The following GTF2H1 variants were observed in gnomAD, a reference collection of about 807,000 sequenced individuals.
GTF2H1 encodes the protein BTF2 p62.
In GTF2H1, 16 loss-of-function variants were observed where a neutral mutation model predicts 71.2. That is an observed-to-expected ratio of 0.22 (90% CI 0.15 to 0.34). GTF2H1 has a LOEUF of 0.34. Ranked by LOEUF, GTF2H1 falls within the 10% of genes least tolerant of loss-of-function variation. GTF2H1 has a pLI of 1.00. For synonymous variants in GTF2H1, 215 were observed against 219.0 expected (o/e 0.98, Z 0.16); for missense variants, 498 against 648.2 (o/e 0.77, Z 2.52).
At chr11:18,331,972 C>A (rs996586938) in intron 1 of GTF2H1, among the ~76,000 whole-genome samples, 1 of 152,020 alleles carries the variant, frequency 6.6e-6, no homozygotes, top group African/African-American at 2.4e-5. Flanking sequence ...CAATTCTCCC[C>A]CTTTGGCCTC....
At chr11:18,344,356 G>A (rs909719559) in intron 7 of GTF2H1, among the ~76,000 whole-genome samples, 5 of 152,016 alleles carry the variant, frequency 3.3e-5, no homozygotes, top group African/African-American at 4.8e-5. Flanking sequence ...GTGGTGGCTC[G>A]TGCCTGTGAT....
chr11:18,334,144 C>A (rs1169272694), intron 2 of GTF2H1, among the ~76,000 whole-genome samples: 1 of 152,130 alleles, frequency 6.6e-6, no homozygotes, highest in East Asian at 1.9e-4. Context: ...CTTTGGGAGG[C>A]CGAGGTGGGC....
intron 7 of GTF2H1, among the ~76,000 whole-genome samples, chr11:18,344,634 AAAG>A (rs1240953196): frequency 6.6e-6 from 1 of 151,472 alleles, no homozygotes. Flanking sequence ...AAAAAAAAAA[AAAG>A]GATTATAATA....
chr11:18,346,507 C>T (rs1039324137), intron 7 of GTF2H1, among the ~76,000 whole-genome samples: 1 of 152,100 alleles, frequency 6.6e-6, no homozygotes, highest in Admixed American at 6.6e-5. Context: ...ATTTAAGCTC[C>T]TATGGCATGG....
intron 1 of GTF2H1, among the ~76,000 whole-genome samples, chr11:18,326,521 C>CAAA (rs11384798): frequency 2.0e-5 from 3 of 147,888 alleles, no homozygotes; most frequent in African/African-American, 7.4e-5. Flanking sequence ...GACTCCTTCT[C>CAAA]AAAAAAAAAA....
intron 14 of GTF2H1, among the ~76,000 whole-genome samples, chr11:18,362,153 A>G (rs149898179): frequency 2.7e-4 from 41 of 152,320 alleles, no homozygotes; most frequent in African/African-American, 9.9e-4. Flanking sequence ...CTCCTAGGCT[A>G]CAAACCTGTA....
At chr11:18,343,046 C>T (rs1865199762) in intron 7 of GTF2H1, among the ~76,000 whole-genome samples, 1 of 152,090 alleles carries the variant, frequency 6.6e-6, no homozygotes. Flanking sequence ...CTCAGGCTCC[C>T]GAGTAGCTGA....
chr11:18,355,484 A>AAAATAAAT (rs34356133), intron 11 of GTF2H1, among the ~76,000 whole-genome samples: 5 of 149,956 alleles, frequency 3.3e-5, no homozygotes, highest in South Asian at 4.2e-4. Flanking sequence ...AACATACAGT[A>AAAATAAAT]AAATAAATAA....
rs146280451 is a variant in GTF2H1 at position 18,335,768 on chromosome 11, C to G, written c.169C>G (p.Pro57Ala). Reference sequence around the variant, plus strand: ...CTTCTTTTTAGGCCAGAAAATTAGTCCAGAAGGAAAAGCTAAAATTCAGCT... The same window carrying G: ...CTTCTTTTTAGGCCAGAAAATTAGTGCAGAAGGAAAAGCTAAAATTCAGCT... ...YADIKCQKISPEGKAKIQLQL... is the reference protein window; with the variant it reads ...YADIKCQKISAEGKAKIQLQL... Residue 57 changes from proline to alanine, a missense_variant, in exon 3 of 15, where the codon CCA (proline) becomes GCA (alanine). This residue lies in a region of GTF2H1 where 216 missense variants were observed against 306.2 expected (regional missense o/e 0.71). Transcript: ENST00000265963. The G allele has an allele frequency of 1.7e-5, 27 of 1,613,258 alleles. No individual in the cohort carries two copies. The highest frequency in any genetic ancestry group is 2.1e-5 in the Non-Finnish European group (25 of 1,179,600).
intron 11 of GTF2H1, among the ~76,000 whole-genome samples, chr11:18,355,566 C>T (rs1230662936): frequency 6.6e-6 from 1 of 152,014 alleles, no homozygotes; most frequent in Non-Finnish European, 1.5e-5. Flanking sequence ...AGTGTAGTGG[C>T]ACAATCTCGG....
At position 18,343,122 on chromosome 11, in the gene GTF2H1, A is replaced by G. The variant is rs184349722; in HGVS notation, c.837+1515A>G. Among the ~76,000 whole-genome samples, 357 of 152,176 alleles carry G rather than the reference A, an allele frequency of 2.3e-3. 1 individual carries two copies. Among genetic ancestry groups the G allele is most frequent in the African/African-American group, 7.6e-3 (316 of 41,506 alleles). ...TTTTTAGTACAGGCGGGGTTTCATC[A>G]TGTTGGCCGGGCTGATCTTGAACTC... On this transcript the variant is annotated intron_variant, in intron 7 of 14. Coordinates refer to ENST00000265963, the MANE Select transcript of GTF2H1 (RefSeq NM_005316.4).
intron 13 of GTF2H1, among the ~76,000 whole-genome samples, chr11:18,358,930 A>G (rs75354746): frequency 6.6e-6 from 1 of 152,360 alleles, no homozygotes; most frequent in South Asian, 2.1e-4. Context: ...AATTACATCA[A>G]TAAAGTTATT....
At chr11:18,358,295 C>A (rs1046218012) in intron 12 of GTF2H1, among the ~76,000 whole-genome samples, 1 of 152,108 alleles carries the variant, frequency 6.6e-6, no homozygotes, top group Admixed American at 6.6e-5. Flanking sequence ...TTTCTTCTCC[C>A]CTACCTCTTA....
chr11:18,353,322 C>T (rs1865469895), intron 11 of GTF2H1, among the ~76,000 whole-genome samples: 1 of 152,240 alleles, frequency 6.6e-6, no homozygotes, highest in Non-Finnish European at 1.5e-5. Context: ...CTGCAGTAGT[C>T]TGAGTGCCTT....
chr11:18,338,319 C>T, intron 4 of GTF2H1, 45 bp downstream of exon 4: 1 of 1,259,826 alleles, frequency 7.9e-7, no homozygotes, highest in Non-Finnish European at 1.2e-6. Context: ...AAATTCAAAC[C>T]CCAATATGTG....
chr11:18,345,499 CTTT>C (rs772599660), intron 7 of GTF2H1, among the ~76,000 whole-genome samples: 5 of 135,002 alleles, frequency 3.7e-5, no homozygotes, highest in Non-Finnish European at 3.2e-5. Flanking sequence ...GCATATGGAT[CTTT>C]TTTTTTTTTT....
rs768436412 is a variant in GTF2H1 at position 18,335,740 on chromosome 11, A to G, written c.155-14A>G. 2.5e-6 allele frequency: 4 copies of G among 1,606,376 alleles called. No homozygotes were observed. Among genetic ancestry groups the G allele is most frequent in the African/African-American group, 1.3e-5 (1 of 74,844 alleles). ...TGAGTGTCATCATCTAACTGCCCTC[A>G]TGCTTCTTTTTAGGCCAGAAAATTA... On this transcript the variant is annotated splice_polypyrimidine_tract_variant and intron_variant, in intron 2 of 14. Coordinates refer to ENST00000265963, the MANE Select transcript of GTF2H1 (RefSeq NM_005316.4).
At chr11:18,339,482 C>T (rs1182926407) in intron 4 of GTF2H1, 82 bp from the exon 5 acceptor site, 4 of 898,412 alleles carry the variant, frequency 4.5e-6, no homozygotes, top group South Asian at 1.6e-5. Context: ...TTTTTTTTTC[C>T]ACCTTTGTCC....
At chr11:18,331,662 G>C (rs1454315970) in intron 1 of GTF2H1, among the ~76,000 whole-genome samples, 1 of 150,110 alleles carries the variant, frequency 6.7e-6, no homozygotes, top group African/African-American at 2.4e-5. Context: ...GTGAAACTCC[G>C]TCTCAAAAAA....
Sources: allele counts gnomAD v4.1 joint callset (sites outside exome capture counted in the v4.1 genomes callset), GRCh38; gene constraint gnomAD v4.1.1; regional missense constraint gnomAD v4.1.1; transcripts MANE v1.5; gene names NCBI Gene and HGNC (gene_info 2026-07-23, HGNC 2026-07-21).